The following VPS39 variants were observed in gnomAD, a reference collection of about 807,000 sequenced individuals.
The protein encoded by VPS39 is VPS39 subunit of HOPS complex.
In VPS39, 70 loss-of-function variants were observed where a neutral mutation model predicts 121.0. The ratio of observed to expected loss-of-function variants is 0.58; its 90% CI spans 0.48 to 0.71. The LOEUF (loss-of-function observed/expected upper bound fraction) is 0.71, where lower values mean the gene tolerates loss of function less well. VPS39 is among the 30% of genes least tolerant of loss of function. VPS39 has a pLI of 0.00. For missense variants in VPS39, 818 were observed against 1,051.5 expected, an observed-to-expected ratio of 0.78 and a Z score of 3.07; for synonymous variants, 378 against 398.1, an observed-to-expected ratio of 0.95 and a Z score of 0.60.
intron 24 of VPS39, 135 bp downstream of exon 24, chr15:42,161,547 G>A: frequency 1.1e-6 from 1 of 909,024 alleles, no homozygotes; most frequent in South Asian, 1.3e-5. Flanking sequence ...GAAGGCTCAA[G>A]AACTAAAAGT....
intron 15 of VPS39, 148 bp from the exon 16 acceptor site, chr15:42,166,380 G>T: frequency 9.1e-7 from 1 of 1,104,612 alleles, no homozygotes; most frequent in Non-Finnish European, 1.3e-6. Flanking sequence ...CTACTGGGCT[G>T]GCTCCATACC....
chr15:42,192,167 C>CA, intron 2 of VPS39: 1 of 1,476,560 alleles, frequency 6.8e-7, no homozygotes, highest in Non-Finnish European at 9.1e-7. Flanking sequence ...CTGGGGATGA[C>CA]AAAAATATTC....
intron 2 of VPS39, among the ~76,000 whole-genome samples, chr15:42,196,638 C>G (rs961009242): frequency 2.4e-4 from 36 of 152,176 alleles, no homozygotes; most frequent in Non-Finnish European, 4.3e-4. Flanking sequence ...CATCTCACAC[C>G]AGTTAGAATG....
At chr15:42,204,937 T>G (rs1314641444) in intron 1 of VPS39, among the ~76,000 whole-genome samples, 2 of 152,130 alleles carry the variant, frequency 1.3e-5, no homozygotes, top group Non-Finnish European at 2.9e-5. Context: ...GAATATACAT[T>G]CAAGTTTGAG....
Position 42,166,006 on chromosome 15 carries a change from T to C in VPS39, c.1680+153A>G, listed in dbSNP as rs748634920. 1.5e-4 allele frequency among the ~76,000 whole-genome samples: 23 copies of C among 152,166 alleles called. No individual in the cohort carries two copies. The highest frequency in any genetic ancestry group is 2.5e-4 in the Non-Finnish European group (17 of 68,026). On this transcript the variant is annotated intron_variant, in intron 16 of 24. Coordinates refer to ENST00000318006, the MANE Select transcript of VPS39 (RefSeq NM_015289.5). The stretch of plus-strand genomic sequence containing the variant: ...CCTGTGTAAGGCTCTCTCTACCAAC[T>C]ACAGTGCTGGCTCGCGCTTCCCAGT...
rs771526060 is a variant in VPS39 at position 42,163,652 on chromosome 15, G to A, written c.2103C>T (p.Ile701=). The part of the protein sequence containing the change: ...HEQALFIYVH[I]LKDTRMAEEY... The stretch of plus-strand genomic sequence containing the variant: ...CCTCAGCCATCCTTGTATCCTTCAA[G>A]ATGTGGACATAAATGAAAAGAGCTT... The change falls in exon 20 of 25, where the codon ATC becomes ATT. Residue 701 remains isoleucine, a synonymous_variant. Coordinates refer to ENST00000318006, the MANE Select transcript of VPS39 (RefSeq NM_015289.5). 15 of 1,613,902 alleles carry A rather than the reference G, an allele frequency of 9.3e-6. No individual in the cohort carries two copies. The South Asian group carries it at 1.6e-4, about 18-fold the overall frequency.
intron 2 of VPS39, among the ~76,000 whole-genome samples, chr15:42,193,074 C>T (rs967922824): frequency 5.9e-5 from 9 of 152,294 alleles, no homozygotes; most frequent in African/African-American, 2.2e-4. Flanking sequence ...GCCACTGCCC[C>T]CGGCCTATAA....
At chr15:42,164,849 T>C in intron 18 of VPS39, 147 bp downstream of exon 18, 1 of 1,451,986 alleles carries the variant, frequency 6.9e-7, no homozygotes, top group South Asian at 1.5e-5. Context: ...CAGGCTTGTG[T>C]CACTTAGCTC....
intron 7 of VPS39, among the ~76,000 whole-genome samples, chr15:42,185,774 G>T (rs2049688920): frequency 6.6e-6 from 1 of 152,206 alleles, no homozygotes; most frequent in Non-Finnish European, 1.5e-5. Flanking sequence ...ATTTTGGGGG[G>T]TGATGGTAGT....
At chr15:42,167,891 C>A (rs2140842259) in intron 12 of VPS39, among the ~76,000 whole-genome samples, 1 of 152,140 alleles carries the variant, frequency 6.6e-6, no homozygotes, top group East Asian at 1.9e-4. Flanking sequence ...AGCCCATGTT[C>A]TTTTATTTTT....
intron 8 of VPS39, among the ~76,000 whole-genome samples, chr15:42,181,966 A>G (rs555906579): frequency 3.2e-4 from 48 of 152,344 alleles, no homozygotes; most frequent in Admixed American, 9.8e-4. Context: ...CTCCTGCCTC[A>G]GCCTCCCAAT....
At position 42,208,100 on chromosome 15, in the gene VPS39, G is replaced by C. The variant is rs200580871; in HGVS notation, c.54C>G (p.Ile18Met). 3 of 1,588,346 alleles carry C rather than the reference G, an allele frequency of 1.9e-6. No homozygotes were observed. The change falls in exon 1 of 25, where the codon ATC becomes ATG. Residue 18 changes from isoleucine to methionine, a missense_variant. Coordinates refer to ENST00000318006, the MANE Select transcript of VPS39 (RefSeq NM_015289.5). Reference protein sequence around the residue: ...VPILEKLPLQIDCLAAWEEWL... With the variant: ...VPILEKLPLQMDCLAAWEEWL... ...GCTCACCCCAGGCAGCCAGACAGTC[G>C]ATTTGCAGAGGCAGCTTTTCTAGGA...
At position 42,160,437 on chromosome 15, in the gene VPS39, C is replaced by G. The variant is rs1373636353; in HGVS notation, c.*317G>C. ...ACCCCATGGTTACAAACACTTGTGA[C>G]AAGTTTCCTTGTTCAGGTGACTGGT... On this transcript the variant is annotated 3_prime_UTR_variant, in exon 25 of 25. Transcript: ENST00000318006. The G allele has an allele frequency of 2.9e-6, 1 of 345,886 alleles. No homozygotes were observed. Among genetic ancestry groups the G allele is most frequent in the East Asian group, 5.2e-5 (1 of 19,120 alleles). 21.4% of individuals were successfully genotyped at this position (345,886 alleles called of 1,614,324 possible).
Position 42,188,802 on chromosome 15 carries a change from A to T in VPS39, c.342+312T>A, listed in dbSNP as rs576764366. 2.6e-5 allele frequency among the ~76,000 whole-genome samples: 4 copies of T among 152,138 alleles called. No homozygotes were observed. The South Asian group carries it at 8.3e-4, about 32-fold the overall frequency. On this transcript the variant is annotated intron_variant, in intron 5 of 24. Coordinates refer to ENST00000318006, the MANE Select transcript of VPS39 (RefSeq NM_015289.5). ...CATGGTGAAACCCCATCTCTAATTT[A>T]AAAAAATACAAAAAATAGCCGGACG...
rs905027789 is a variant in VPS39 at position 42,187,646 on chromosome 15, T to G, written c.441+112A>C. ...CATCAACAAGCTCTCATGCACTTCA[T>G]ACCAGAGTATTCATTTGCGTAGAAT... On this transcript the variant is annotated intron_variant, in intron 6 of 24. Transcript: ENST00000318006. The G allele has an allele frequency of 6.3e-6, 6 of 956,450 alleles. No homozygotes were observed. In the Admixed American group the frequency reaches 1.1e-4, roughly 17 times the overall value. 59.2% of individuals were successfully genotyped at this position (956,450 alleles called of 1,614,324 possible). A position where few individuals can be genotyped will look rare whatever the true frequency, so the allele number is the denominator to read the frequency against.
chr15:42,194,544 G>A (rs2049894517), intron 2 of VPS39, among the ~76,000 whole-genome samples: 1 of 152,026 alleles, frequency 6.6e-6, no homozygotes, highest in Admixed American at 6.6e-5. Flanking sequence ...GGCCACCCTG[G>A]GCAAGAAGAG....
chr15:42,181,764 G>C (rs1041069775), intron 8 of VPS39, among the ~76,000 whole-genome samples: 4 of 151,452 alleles, frequency 2.6e-5, no homozygotes, highest in African/African-American at 9.7e-5. Context: ...GGAATGCAGT[G>C]AGTGGTGTGA....
rs928058072 is a variant in VPS39 at position 42,164,211 on chromosome 15, A to T, written c.2026+147T>A. 3.2e-6 allele frequency: 4 copies of T among 1,233,094 alleles called. No individual in the cohort carries two copies. The Admixed American group carries it at 7.0e-5, about 22-fold the overall frequency. 76.4% of individuals were successfully genotyped at this position (1,233,094 alleles called of 1,614,324 possible). ...AGTCACGGTACAAAAGTGAGTCTTC[A>T]GAGAGGACAAAACAGGAGCACTGGC... is the stretch of plus-strand genomic sequence containing the variant. On this transcript the variant is annotated intron_variant, in intron 19 of 24. Transcript: ENST00000318006.
intron 2 of VPS39, among the ~76,000 whole-genome samples, chr15:42,197,306 C>G (rs1044015517): frequency 2.0e-5 from 3 of 150,508 alleles, no homozygotes; most frequent in South Asian, 4.2e-4. Flanking sequence ...GCACTTGTAC[C>G]CTAGAACTTA....
Sources: allele counts gnomAD v4.1 joint callset (sites outside exome capture counted in the v4.1 genomes callset), GRCh38; gene constraint gnomAD v4.1.1; transcripts MANE v1.5; gene names NCBI Gene and HGNC (gene_info 2026-07-23, HGNC 2026-07-21).